OBP2B: variants seen among roughly 807,000 people sequenced by gnomAD.
The protein encoded by OBP2B is odorant-binding protein 2b.
Under a neutral mutation model 21.7 loss-of-function variants are expected in OBP2B, and 10 were observed. That is an observed-to-expected ratio of 0.46 (90% CI 0.28 to 0.78). The LOEUF (loss-of-function observed/expected upper bound fraction) is 0.78. OBP2B is among the 30% of genes least tolerant of loss of function. The probability of loss-of-function intolerance (pLI) is 0.11; values close to 1 mark genes in which losing one functional copy is unlikely to be tolerated. For synonymous variants in OBP2B, 73 were observed against 91.5 expected (o/e 0.80, Z 1.16); for missense variants, 153 against 217.7 (o/e 0.70, Z 1.87).
chr9:133,218,095 A>G, the OBP2B span, among the ~76,000 whole-genome samples: 2 of 152,218 alleles, frequency 1.3e-5, no homozygotes, highest in African/African-American at 4.8e-5. Flanking sequence ...AAATGAATTG[A>G]TGAGGAACAG....
At chr9:133,221,458 C>T in the OBP2B span, among the ~76,000 whole-genome samples, 5 of 152,166 alleles carry the variant, frequency 3.3e-5, no homozygotes, top group Admixed American at 6.5e-5. Flanking sequence ...GAAGTGACAC[C>T]ACAATTCCCT....
At chr9:133,206,095 C>T (rs1157399939) in intron 5 of OBP2B, among the ~76,000 whole-genome samples, 155 bp from the exon 6 acceptor site, 7 of 143,660 alleles carry the variant, frequency 4.9e-5, no homozygotes, top group African/African-American at 1.9e-4. Context: ...GCCCCAGACC[C>T]CATCGCAGCC....
the OBP2B span, among the ~76,000 whole-genome samples, chr9:133,220,728 A>C: frequency 6.6e-6 from 1 of 152,172 alleles, no homozygotes; most frequent in African/African-American, 2.4e-5. Context: ...TGCATGGTAA[A>C]ACGGACTTCA....
At chr9:133,219,893 T>A in the OBP2B span, among the ~76,000 whole-genome samples, 3 of 152,176 alleles carry the variant, frequency 2.0e-5, no homozygotes, top group Non-Finnish European at 4.4e-5. Context: ...AATGGATGAA[T>A]GGATAAAAAA....
chr9:133,222,511 T>TGAGGTCAGGAGTTC, the OBP2B span, among the ~76,000 whole-genome samples: 1 of 152,086 alleles, frequency 6.6e-6, no homozygotes, highest in African/African-American at 2.4e-5. Flanking sequence ...GTGGATCAAT[T>TGAGGTCAGGAGTTC]GAGGTCAGGA....
the OBP2B span, among the ~76,000 whole-genome samples, chr9:133,217,575 C>T: frequency 6.6e-6 from 1 of 152,200 alleles, no homozygotes; most frequent in Non-Finnish European, 1.5e-5. Flanking sequence ...CAGGGGACCG[C>T]CCCCAGATGG....
chr9:133,207,751 C>T, intron 3 of OBP2B: 1 of 891,038 alleles, frequency 1.1e-6, no homozygotes, highest in Non-Finnish European at 1.7e-6. Flanking sequence ...GGCCCCCGTC[C>T]CTAACCCTCA....
At chr9:133,207,380 C>A in intron 3 of OBP2B, 44 bp from the exon 4 acceptor site, 2 of 1,297,046 alleles carry the variant, frequency 1.5e-6, no homozygotes, top group African/African-American at 1.5e-5. Context: ...AGAGAACACT[C>A]GGGGCCACAT....
the OBP2B span, among the ~76,000 whole-genome samples, chr9:133,222,124 GCTGAGTGTGTCAGTGCGTATGTA>G: frequency 3.3e-5 from 5 of 151,814 alleles, no homozygotes; most frequent in African/African-American, 9.7e-5. Context: ...GTGCGTATGT[GCTGAGTGTGTCAGTGCGTATGTA>G]CTGAGCACGG....
At chr9:133,219,435 C>T in the OBP2B span, among the ~76,000 whole-genome samples, 1 of 152,198 alleles carries the variant, frequency 6.6e-6, no homozygotes, top group Admixed American at 6.5e-5. Flanking sequence ...AAAAACACAA[C>T]TAGCCCAATT....
At chr9:133,209,966 C>A (rs565465071), upstream of OBP2B, among the ~76,000 whole-genome samples, 2 of 152,210 alleles carry the variant, frequency 1.3e-5, no homozygotes, top group East Asian at 3.9e-4. This position sits in a 1 kb window ranked among gnomAD's most constrained non-coding sequence, Gnocchi z 6.0. Context: ...TCTTCCTGCA[C>A]GTATTCATCG....
the OBP2B span, among the ~76,000 whole-genome samples, chr9:133,217,639 C>T: frequency 6.6e-6 from 1 of 152,210 alleles, no homozygotes; most frequent in Non-Finnish European, 1.5e-5. Context: ...GTGACTCTTG[C>T]AGGCTTCCCA....
chr9:133,221,821 A>G, the OBP2B span, among the ~76,000 whole-genome samples: 42 of 152,322 alleles, frequency 2.8e-4, no homozygotes, highest in African/African-American at 9.6e-4. Context: ...TCACTGCTTA[A>G]GGAGTGGGAC....
intron 1 of OBP2B, 91 bp from the exon 2 acceptor site, chr9:133,208,693 C>G (rs1413727310): frequency 6.6e-7 from 1 of 1,525,444 alleles, no homozygotes; most frequent in African/African-American, 1.4e-5. Flanking sequence ...ACCAGACACC[C>G]ATGGTGCCCG....
chr9:133,210,485 T>C (rs2119406628), upstream of OBP2B, among the ~76,000 whole-genome samples: 1 of 151,394 alleles, frequency 6.6e-6, no homozygotes, highest in African/African-American at 2.4e-5. Flanking sequence ...GAATGGGGCC[T>C]GGGCTCTTCA....
intron 4 of OBP2B, 144 bp downstream of exon 4, chr9:133,207,082 G>A (rs534703852): frequency 1.1e-5 from 7 of 635,034 alleles, no homozygotes; most frequent in East Asian, 5.5e-5. Context: ...TACTTGGACC[G>A]GCTGCCCAGC....
At chr9:133,219,149 C>T in the OBP2B span, among the ~76,000 whole-genome samples, 3 of 152,242 alleles carry the variant, frequency 2.0e-5, no homozygotes, top group Non-Finnish European at 4.4e-5. Context: ...AAGACCTCAA[C>T]GTAAGAGCTA....
At chr9:133,213,777 A>G (rs1833943669), upstream of OBP2B, among the ~76,000 whole-genome samples, 2 of 152,236 alleles carry the variant, frequency 1.3e-5, 1 homozygote, top group South Asian at 4.1e-4. Context: ...TAAAGTTAAC[A>G]TTTTAATTTT....
At chr9:133,214,431 G>T in the OBP2B span, among the ~76,000 whole-genome samples, 2 of 152,258 alleles carry the variant, frequency 1.3e-5, no homozygotes. Flanking sequence ...TGGACTGAGC[G>T]AAGGGGTTTA....
Sources: allele counts gnomAD v4.1 joint callset (sites outside exome capture counted in the v4.1 genomes callset), GRCh38; gene constraint gnomAD v4.1.1; non-coding constraint Gnocchi (gnomAD v3.1); transcripts MANE v1.5; gene names NCBI Gene and HGNC (gene_info 2026-07-23, HGNC 2026-07-21).